TENM2: variants seen among roughly 807,000 people sequenced by gnomAD.
TENM2 encodes the protein teneurin transmembrane protein 2, also known as teneurin-2.
Under a neutral mutation model 245.2 loss-of-function variants are expected in TENM2, and 52 were observed. The observed-to-expected ratio is 0.21, with a 90% confidence interval of 0.17 to 0.27. The LOEUF (loss-of-function observed/expected upper bound fraction) is 0.27. Among genes scored for constraint, TENM2 ranks in the 10% least tolerant of loss-of-function variants. The pLI is 1.00. For synonymous variants in TENM2, 1,363 were observed against 1,438.9 expected (o/e 0.95, Z 1.19); for missense variants, 3,046 against 3,666.8 (o/e 0.83, Z 4.37).
At chr5:167,746,205 C>A (rs1761546185) in intron 2 of TENM2, among the ~76,000 whole-genome samples, 1 of 152,146 alleles carries the variant, frequency 6.6e-6, no homozygotes, top group Non-Finnish European at 1.5e-5. Context: ...AACAAAAAAG[C>A]AGGCATTTCC....
At chr5:167,209,877 A>G in the TENM2 span, among the ~76,000 whole-genome samples, 4 of 152,166 alleles carry the variant, frequency 2.6e-5, no homozygotes, top group Non-Finnish European at 5.9e-5. Flanking sequence ...TTATTCAACT[A>G]TATCAACCCT....
chr5:166,987,307 G>A, the TENM2 span, among the ~76,000 whole-genome samples: 33,495 of 152,072 alleles, frequency 0.22, 4,918 homozygotes, highest in Non-Finnish European at 0.33. Context: ...GGGGAGGGGG[G>A]AAAATGTGTT....
chr5:167,084,327 T>TATATATATATATA, the TENM2 span, among the ~76,000 whole-genome samples: 8 of 23,180 alleles, frequency 3.5e-4, no homozygotes, highest in African/African-American at 7.2e-4. Flanking sequence ...GCCATTTTAG[T>TATATATATATATA]TATATATATA....
In TENM2 at chr5:168,115,165, G is replaced by A. The variant is rs150862240; in HGVS notation, c.1814-3127G>A. On this transcript the variant is annotated intron_variant, in intron 9 of 28. Transcript: ENST00000518659. ...AAAAATTAGCCGGGCATGGTAGCAG[G>A]CACCTGTAGTCCCGCTACTCAGGAG... Among the ~76,000 whole-genome samples the A allele has an allele frequency of 5.5e-3, 841 of 151,994 alleles. 8 individuals carry two copies. Among genetic ancestry groups the A allele is most frequent in the African/African-American group, 0.019 (784 of 41,434 alleles).
At chr5:168,022,296 G>T (rs891646000) in intron 5 of TENM2, among the ~76,000 whole-genome samples, 5 of 152,218 alleles carry the variant, frequency 3.3e-5, no homozygotes, top group African/African-American at 1.2e-4. Flanking sequence ...TTTGCTCTCT[G>T]CTCTGAGGGT....
the TENM2 span, among the ~76,000 whole-genome samples, chr5:167,030,545 C>T: frequency 6.6e-6 from 1 of 152,154 alleles, no homozygotes; most frequent in Non-Finnish European, 1.5e-5. Flanking sequence ...GGCGCGTGAC[C>T]TGTGCCCCAT....
chr5:167,053,756 A>G, the TENM2 span, among the ~76,000 whole-genome samples: 1 of 152,140 alleles, frequency 6.6e-6, no homozygotes, highest in Non-Finnish European at 1.5e-5. Context: ...TTTTCCATCC[A>G]CTTTACACAA....
At chr5:168,184,738 C>T (rs1228556720) in intron 13 of TENM2, among the ~76,000 whole-genome samples, 1 of 152,212 alleles carries the variant, frequency 6.6e-6, no homozygotes, top group Non-Finnish European at 1.5e-5. Flanking sequence ...TTTACAGCCT[C>T]TCCATCGACA....
At chr5:167,053,755 C>G in the TENM2 span, among the ~76,000 whole-genome samples, 1 of 152,078 alleles carries the variant, frequency 6.6e-6, no homozygotes, top group African/African-American at 2.4e-5. Context: ...TTTTTCCATC[C>G]ACTTTACACA....
chr5:167,437,866 G>A (rs775254149), intron 2 of TENM2, among the ~76,000 whole-genome samples: 15 of 152,160 alleles, frequency 9.9e-5, no homozygotes, highest in East Asian at 1.9e-4. Flanking sequence ...CCGCAGCCAC[G>A]TGGAACTGGG....
At chr5:167,933,180 G>T (rs1034408059) in intron 3 of TENM2, among the ~76,000 whole-genome samples, 2 of 152,200 alleles carry the variant, frequency 1.3e-5, no homozygotes, top group Non-Finnish European at 2.9e-5. Flanking sequence ...AAACTGCCCT[G>T]TAAGCTCTCA....
chr5:167,427,176 G>A lies in TENM2; in HGVS notation c.502+51703G>A, dbSNP rs146064021. Among the ~76,000 whole-genome samples the A allele has an allele frequency of 1.6e-4, 24 of 152,220 alleles. No homozygotes were observed. In the East Asian group the frequency reaches 4.3e-3, roughly 27 times the overall value. On this transcript the variant is annotated intron_variant, in intron 2 of 28. Transcript: ENST00000518659. ...AACAACCAAAAGAAACAGAAAGGCC[G>A]GGCGCGGTGGCTCACGGCTGTAATA...
At chr5:167,327,813 A>G (rs550908725) in intron 1 of TENM2, among the ~76,000 whole-genome samples, 3 of 152,360 alleles carry the variant, frequency 2.0e-5, no homozygotes, top group Admixed American at 2.0e-4. Context: ...ATTGCAGGTC[A>G]TGAGAAGTTA....
rs574483943 is a variant in TENM2, at chr5:167,992,250, A to AC, written c.948-689dup. Among the ~76,000 whole-genome samples the AC allele has an allele frequency of 2.2e-4, 33 of 152,232 alleles. No individual in the cohort carries two copies. In the East Asian group the frequency reaches 5.8e-3, roughly 27 times the overall value. ...GTTCATGTAATCAGAAAACACCTGT[A>AC]CCCCCAAAACTATTGAAATTAAAAA... On this transcript the variant is annotated intron_variant, in intron 4 of 28. Transcript: ENST00000518659.
At chr5:167,643,726 T>G (rs2150258852) in intron 2 of TENM2, among the ~76,000 whole-genome samples, 1 of 152,238 alleles carries the variant, frequency 6.6e-6, no homozygotes, top group East Asian at 1.9e-4. Flanking sequence ...AAATAATAAT[T>G]TCACAATAGA....
At chr5:167,051,000 A>T in the TENM2 span, among the ~76,000 whole-genome samples, 1 of 152,178 alleles carries the variant, frequency 6.6e-6, no homozygotes, top group African/African-American at 2.4e-5. Context: ...TCATTCTATG[A>T]ATTCGCAACT....
chr5:168,110,799 C>T (rs975307097), intron 9 of TENM2, among the ~76,000 whole-genome samples: 6 of 151,510 alleles, frequency 4.0e-5, no homozygotes, highest in Non-Finnish European at 8.8e-5. Flanking sequence ...CACACACATA[C>T]ACACACAAAA....
chr5:167,363,825 G>T (rs1381748893), intron 1 of TENM2, among the ~76,000 whole-genome samples: 1 of 151,144 alleles, frequency 6.6e-6, no homozygotes, highest in Non-Finnish European at 1.5e-5. Context: ...AATTGATTTT[G>T]ACCTTTAAAG....
intron 2 of TENM2, among the ~76,000 whole-genome samples, chr5:167,419,004 A>C (rs1303531849): frequency 6.6e-6 from 1 of 152,168 alleles, no homozygotes. Flanking sequence ...AATTTGACTA[A>C]AGTATATAAC....
Sources: allele counts gnomAD v4.1 joint callset (sites outside exome capture counted in the v4.1 genomes callset), GRCh38; gene constraint gnomAD v4.1.1; transcripts MANE v1.5; gene names NCBI Gene and HGNC (gene_info 2026-07-23, HGNC 2026-07-21).